The following NR5A2 variants were observed in gnomAD, a reference collection of about 807,000 sequenced individuals.
NR5A2 encodes the protein nuclear receptor subfamily 5 group A member 2.
A neutral mutation model predicts 62.7 loss-of-function variants in NR5A2; 26 were observed. The observed-to-expected ratio is 0.41, with a 90% CI of 0.30 to 0.58. The LOEUF (loss-of-function observed/expected upper bound fraction) is 0.58, where lower values mean the gene tolerates loss of function less well. Among genes scored for constraint, NR5A2 ranks in the 20% least tolerant of loss-of-function variants. The pLI, the probability that NR5A2 is intolerant of heterozygous loss-of-function variation, is 0.22. For missense variants in NR5A2, 541 were observed against 669.1 expected, an observed-to-expected ratio of 0.81 and a Z score of 2.11; for synonymous variants, 246 against 241.7, an observed-to-expected ratio of 1.02 and a Z score of -0.16.
chr1:200,150,615 T>C (rs1360790427), intron 7 of NR5A2, among the ~76,000 whole-genome samples: 1 of 152,162 alleles, frequency 6.6e-6, no homozygotes, highest in Non-Finnish European at 1.5e-5. Flanking sequence ...ACCCTGTGTA[T>C]TTAAATGTCA....
At chr1:200,172,954 A>G (rs1354367736) in intron 7 of NR5A2, among the ~76,000 whole-genome samples, 1 of 152,170 alleles carries the variant, frequency 6.6e-6, no homozygotes, top group African/African-American at 2.4e-5. Flanking sequence ...ACACACACGT[A>G]TCTGTCTATT....
intron 7 of NR5A2, among the ~76,000 whole-genome samples, chr1:200,154,785 A>C (rs1653300937): frequency 6.6e-6 from 1 of 152,246 alleles, no homozygotes; most frequent in Admixed American, 6.5e-5. Context: ...ATGATGGACA[A>C]GTCAGTAAGC....
intron 7 of NR5A2, among the ~76,000 whole-genome samples, chr1:200,166,707 A>G (rs1653920201): frequency 6.6e-6 from 1 of 152,184 alleles, no homozygotes; most frequent in Non-Finnish European, 1.5e-5. Flanking sequence ...AGAGCATACA[A>G]GGACTTTAGA....
At chr1:200,044,262 AT>A (rs1293401148) in intron 3 of NR5A2, 6 of 155,590 alleles carry the variant, frequency 3.9e-5, no homozygotes, top group East Asian at 3.7e-4. Flanking sequence ...TCCCAAATAC[AT>A]TTTAACTTCA....
intron 7 of NR5A2, among the ~76,000 whole-genome samples, chr1:200,129,043 C>T (rs1268780659): frequency 6.6e-6 from 1 of 152,134 alleles, no homozygotes; most frequent in Non-Finnish European, 1.5e-5. Context: ...CATTTGTCCT[C>T]TGGCATTCAA....
intron 5 of NR5A2, among the ~76,000 whole-genome samples, chr1:200,099,332 C>T (rs966906018): frequency 3.5e-5 from 4 of 114,412 alleles, no homozygotes; most frequent in African/African-American, 1.4e-4. Flanking sequence ...GACATTTTAG[C>T]CTCTATAAGC....
rs367645103 is a variant in NR5A2, at chr1:200,129,263, TAC to T, written c.1378+8319_1378+8320del. 1.4e-3 allele frequency among the ~76,000 whole-genome samples: 109 copies of T among 77,644 alleles called. 1 individual carries two copies. Among genetic ancestry groups the T allele is most frequent in the African/African-American group, 3.9e-3 (103 of 26,184 alleles). 50.9% of individuals were successfully genotyped at this position (77,644 alleles called of 152,430 possible). A position where few individuals can be genotyped will look rare whatever the true frequency, so the allele number is the denominator to read the frequency against. On this transcript the variant is annotated intron_variant, in intron 7 of 7. Transcript: ENST00000367362. ...CTCTGAATATATACACACACATACA[TAC>T]ACACACACACTTCATTTGAAAATGA...
chr1:200,142,071 T>C (rs913296873), intron 7 of NR5A2, among the ~76,000 whole-genome samples: 1 of 152,100 alleles, frequency 6.6e-6, no homozygotes, highest in East Asian at 1.9e-4. Context: ...TAAGCTTTTT[T>C]CCCCCTTTTA....
intron 7 of NR5A2, among the ~76,000 whole-genome samples, chr1:200,142,473 G>C (rs1667489445): frequency 2.6e-5 from 4 of 151,802 alleles, no homozygotes. Flanking sequence ...TGGGATTATA[G>C]GCGTGAGCCA....
At chr1:200,047,358 C>A (rs1662415619) in intron 4 of NR5A2, among the ~76,000 whole-genome samples, 1 of 152,178 alleles carries the variant, frequency 6.6e-6, no homozygotes, top group South Asian at 2.1e-4. Flanking sequence ...CATGTCCCCA[C>A]CCCTTTTGTT....
At chr1:200,110,142 T>C (rs1311763017) in intron 5 of NR5A2, among the ~76,000 whole-genome samples, 2 of 152,230 alleles carry the variant, frequency 1.3e-5, no homozygotes, top group African/African-American at 4.8e-5. Context: ...CCAGTTCTGC[T>C]AACTTCAAAG....
chr1:200,163,797 A>G (rs1383455813), intron 7 of NR5A2, among the ~76,000 whole-genome samples: 1 of 152,170 alleles, frequency 6.6e-6, no homozygotes, highest in Admixed American at 6.5e-5. Flanking sequence ...TTTTAAAATT[A>G]GACAAATGTA....
chr1:200,170,515 A>T (rs1055079270), intron 7 of NR5A2, among the ~76,000 whole-genome samples: 1 of 152,152 alleles, frequency 6.6e-6, no homozygotes, highest in African/African-American at 2.4e-5. Context: ...GTCTTCTGGG[A>T]GGTGTTATCA....
chr1:200,039,840 C>G lies in NR5A2; in HGVS notation c.202+45C>G. 2.6e-6 allele frequency: 4 copies of G among 1,566,756 alleles called. No individual in the cohort carries two copies. Among genetic ancestry groups the G allele is most frequent in the Non-Finnish European group, 3.4e-6 (4 of 1,159,922 alleles). On this transcript the variant is annotated intron_variant, in intron 2 of 7. Coordinates refer to ENST00000367362, the MANE Select transcript of NR5A2 (RefSeq NM_205860.3). The surrounding 1 kb of genome is among the most constrained non-coding windows in gnomAD (Gnocchi z 5.1). ...CGCTCCGGCTCCCGCTGCTTCCCCACCCCCGGGCTCGCCCTGCAGGCTTCA... is the reference window on the plus strand; with the variant it reads ...CGCTCCGGCTCCCGCTGCTTCCCCAGCCCCGGGCTCGCCCTGCAGGCTTCA...
chr1:200,140,896 T>G (rs1419361210), intron 7 of NR5A2, among the ~76,000 whole-genome samples: 1 of 152,178 alleles, frequency 6.6e-6, no homozygotes, highest in Non-Finnish European at 1.5e-5. Context: ...CCGGGCATGG[T>G]GGCACATGCC....
At chr1:200,161,035 G>A (rs565645230) in intron 7 of NR5A2, among the ~76,000 whole-genome samples, 4 of 151,600 alleles carry the variant, frequency 2.6e-5, no homozygotes, top group Admixed American at 6.6e-5. Context: ...TGCTCTTTAC[G>A]AATGTGGATG....
Position 200,147,641 on chromosome 1 carries a change from TGTCGATTGA to T in NR5A2, c.1379-26319_1379-26311del. 1.4e-6 allele frequency: 1 copy of T among 708,430 alleles called. No homozygotes were observed. The highest frequency in any genetic ancestry group is 1.4e-5 in the South Asian group (1 of 73,394). The allele number at this position is 708,430 out of a possible 1,614,324, so 43.9% of individuals were successfully genotyped here. ...CAGCGCCGCAGCTTGCCCTGGATCT[TGTCGATTGA>T]GTTGAAGTCGGACACGTGGAAGACA... is the stretch of plus-strand genomic sequence containing the variant. On this transcript the variant is annotated intron_variant, in intron 7 of 7. Transcript: ENST00000367362. This position sits in a 1 kb window ranked among gnomAD's most constrained non-coding sequence, Gnocchi z 4.9.
intron 2 of NR5A2, chr1:200,042,864 GGTCTGC>G (rs1662176256): frequency 1.0e-6 from 1 of 985,418 alleles, no homozygotes; most frequent in Admixed American, 6.1e-5. Context: ...CGCCTTCGTG[GGTCTGC>G]GTCCGGAGCA....
chr1:200,082,796 A>G (rs550125836), intron 5 of NR5A2, among the ~76,000 whole-genome samples: 1 of 152,168 alleles, frequency 6.6e-6, no homozygotes, highest in Non-Finnish European at 1.5e-5. Flanking sequence ...TCAGCTTTTC[A>G]GTGTAAAGCC....
Sources: gnomAD v4.1 joint callset for allele counts (sites outside exome capture counted in the v4.1 genomes callset) on GRCh38, gnomAD v4.1.1 for gene constraint, Gnocchi (gnomAD v3.1) non-coding constraint, MANE v1.5 for transcripts, NCBI Gene and HGNC (gene_info 2026-07-23, HGNC 2026-07-21) for gene names.